FRAS1: variants seen among roughly 807,000 people sequenced by gnomAD.
The protein encoded by FRAS1 is Fraser extracellular matrix complex subunit 1, also known as extracellular matrix organizing protein FRAS1.
Under a neutral mutation model 435.2 loss-of-function variants are expected in FRAS1, and 290 were observed. The observed-to-expected ratio is 0.67, with a 90% CI of 0.61 to 0.73. FRAS1 has a LOEUF of 0.73. Among genes scored for constraint, FRAS1 ranks in the 30% least tolerant of loss-of-function variants. The pLI, the probability that FRAS1 is intolerant of heterozygous loss-of-function variation, is 0.00. For missense variants in FRAS1, 4,860 were observed against 5,001.5 expected (o/e 0.97, Z 0.85); for synonymous variants, 1,800 against 1,851.0 (o/e 0.97, Z 0.71).
intron 14 of FRAS1, among the ~76,000 whole-genome samples, chr4:78,301,846 G>GTTTTTTTTTTT (rs59794614): frequency 7.7e-5 from 8 of 103,936 alleles, no homozygotes; most frequent in African/African-American, 1.5e-4. Context: ...CACAGAAACA[G>GTTTTTTTTTTT]TTTTTTTTTT....
At position 78,482,474 on chromosome 4, in the gene FRAS1, A is replaced by G. The variant is rs567248847; in HGVS notation, c.8691A>G (p.Gln2897=). ...TTGTGGTTTTCCTCAGCTCAGCACA[A>G]GGAGCCGAACTGACCAAACCCTTCC... The part of the protein sequence containing the change: ...ETFVVFLSSA[Q]GAELTKPFQA... The change falls in exon 58 of 74, where the codon CAA becomes CAG. Residue 2897 remains glutamine (Q), a synonymous_variant. Transcript: ENST00000512123. 3 of 1,613,962 alleles carry G rather than the reference A, an allele frequency of 1.9e-6. No homozygotes were observed. In the African/African-American group the frequency reaches 4.0e-5, roughly 22 times the overall value.
chr4:78,476,811 C>A (rs1361770996), intron 54 of FRAS1, among the ~76,000 whole-genome samples: 1 of 151,922 alleles, frequency 6.6e-6, no homozygotes, highest in Non-Finnish European at 1.5e-5. Flanking sequence ...TAATAATTTT[C>A]TGTTTGAGTA....
chr4:78,384,091 A>C lies in FRAS1; in HGVS notation c.3596A>C (p.Gln1199Pro). ...TACCTTTTCCTGAAAATTAGTGACC[A>C]GCAGTTCTTCTCTGAGCCACAGCTG... ...KGYLFLKISD[Q>P]QFFSEPQLIN... Residue 1199 changes from glutamine (Q) to proline (P), a missense_variant, in exon 28 of 74, where the codon CAG becomes CCG. By Grantham distance (76) the Gln-to-Pro change is moderately conservative (BLOSUM62 -1). Coordinates refer to ENST00000512123, the MANE Select transcript of FRAS1 (RefSeq NM_025074.7). 1 of 1,607,478 alleles carries C rather than the reference A, an allele frequency of 6.2e-7. No homozygotes were observed. The highest frequency in any genetic ancestry group is 8.5e-7 in the Non-Finnish European group (1 of 1,178,112).
chr4:78,089,171 T>G (rs536109627), intron 2 of FRAS1, among the ~76,000 whole-genome samples: 62 of 150,892 alleles, frequency 4.1e-4, no homozygotes, highest in African/African-American at 1.5e-3. Flanking sequence ...CAGCAAACTA[T>G]CGCAAGGACA....
chr4:78,271,566 T>C (rs995526412), intron 9 of FRAS1, among the ~76,000 whole-genome samples: 3 of 152,220 alleles, frequency 2.0e-5, no homozygotes, highest in Non-Finnish European at 2.9e-5. Context: ...CATGCAGTGT[T>C]TATTTTTTTG....
intron 27 of FRAS1, among the ~76,000 whole-genome samples, chr4:78,381,176 A>G (rs1325196222): frequency 6.6e-6 from 1 of 152,238 alleles, no homozygotes; most frequent in African/African-American, 2.4e-5. Flanking sequence ...GCATGCTTCC[A>G]TCCTCGAAGG....
chr4:78,099,693 T>G (rs1742017141), intron 2 of FRAS1, among the ~76,000 whole-genome samples: 2 of 152,174 alleles, frequency 1.3e-5, no homozygotes, highest in African/African-American at 4.8e-5. Context: ...AAGTGGGTAT[T>G]CACACCCAGG....
intron 66 of FRAS1, 72 bp downstream of exon 66, chr4:78,516,085 A>T (rs935851383): frequency 8.3e-7 from 1 of 1,210,612 alleles, no homozygotes. Flanking sequence ...TTCCTGAAGC[A>T]CTTCAATTAG....
intron 4 of FRAS1, among the ~76,000 whole-genome samples, chr4:78,247,796 G>A (rs1440106183): frequency 6.6e-6 from 1 of 152,190 alleles, no homozygotes; most frequent in Non-Finnish European, 1.5e-5. Context: ...GGGTAATGGA[G>A]ACTCCCAGTA....
intron 2 of FRAS1, among the ~76,000 whole-genome samples, chr4:78,086,154 A>G (rs1741150828): frequency 6.6e-6 from 1 of 152,226 alleles, no homozygotes. Context: ...TGGAAACTGA[A>G]CAAACTGCTC....
At chr4:78,276,072 C>T (rs1578222376) in intron 9 of FRAS1, among the ~76,000 whole-genome samples, 2 of 152,334 alleles carry the variant, frequency 1.3e-5, no homozygotes, top group East Asian at 3.9e-4. Context: ...ATTTGATCTT[C>T]AATCACTGAT....
intron 20 of FRAS1, among the ~76,000 whole-genome samples, chr4:78,355,441 A>G (rs1232122302): frequency 6.6e-6 from 1 of 152,158 alleles, no homozygotes; most frequent in Non-Finnish European, 1.5e-5. Context: ...ACAAACAAGA[A>G]TTTACTTGCT....
rs979016739 is a variant in FRAS1, at chr4:78,450,225, A to G, written c.6349A>G (p.Ile2117Val). The change falls in exon 45 of 74, where the codon ATC becomes GTC. Residue 2117 changes from isoleucine to valine, a missense_variant. By Grantham distance (29) the Ile-to-Val change is conservative. Coordinates refer to ENST00000512123, the MANE Select transcript of FRAS1 (RefSeq NM_025074.7). The part of the protein sequence containing the change: ...IDSDDHQVMY[I>V]MKEDPGAGRL... ...CTCAGATGACCATCAGGTTATGTACATCATGAAGGAAGATCCTGGTGCAGG... is the reference window on the plus strand; with the variant it reads ...CTCAGATGACCATCAGGTTATGTACGTCATGAAGGAAGATCCTGGTGCAGG... 3.7e-6 allele frequency: 6 copies of G among 1,613,712 alleles called. No homozygotes were observed. The highest frequency in any genetic ancestry group is 4.2e-6 in the Non-Finnish European group (5 of 1,179,776).
intron 2 of FRAS1, among the ~76,000 whole-genome samples, chr4:78,082,331 C>A (rs889717730): frequency 6.6e-6 from 1 of 152,000 alleles, no homozygotes; most frequent in Non-Finnish European, 1.5e-5. Context: ...ACTGATCACC[C>A]TATTATACTT....
chr4:78,213,750 T>A (rs1022357495), intron 2 of FRAS1, among the ~76,000 whole-genome samples: 4 of 152,214 alleles, frequency 2.6e-5, no homozygotes, highest in Non-Finnish European at 4.4e-5. Context: ...AATAATTTTT[T>A]AAATTCATTA....
chr4:78,298,020 CTCTCTCTCTCTATATA>C (rs1349536751), intron 14 of FRAS1, among the ~76,000 whole-genome samples: 3 of 106,276 alleles, frequency 2.8e-5, no homozygotes, highest in African/African-American at 1.1e-4. Context: ...CTCTCTCTCT[CTCTCTCTCTCTATATA>C]TATATATATA....
chr4:78,233,400 G>C (rs1159389103), intron 2 of FRAS1, among the ~76,000 whole-genome samples: 1 of 152,242 alleles, frequency 6.6e-6, no homozygotes, highest in East Asian at 1.9e-4. Context: ...TCCTCTAAAT[G>C]CTAGGGTCCT....
chr4:78,429,334 A>G lies in FRAS1; in HGVS notation c.4843+108A>G, dbSNP rs1169846033. 1.1e-5 allele frequency: 15 copies of G among 1,374,894 alleles called. No individual in the cohort carries two copies. The South Asian group carries it at 2.1e-4, about 19-fold the overall frequency. 85.2% of individuals were successfully genotyped at this position (1,374,894 alleles called of 1,614,324 possible). A position where few individuals can be genotyped will look rare whatever the true frequency, so the allele number is the denominator to read the frequency against. ...CAAAAAAGCAAACTCTTCTTCCAGAAGTTGCCTGCATTCTCACCTGTATCC... is the reference window on the plus strand; with the variant it reads ...CAAAAAAGCAAACTCTTCTTCCAGAGGTTGCCTGCATTCTCACCTGTATCC... On this transcript the variant is annotated intron_variant, in intron 36 of 73. Transcript: ENST00000512123.
chr4:78,268,645 G>A (rs368319453), intron 9 of FRAS1, among the ~76,000 whole-genome samples: 19 of 152,152 alleles, frequency 1.2e-4, no homozygotes, highest in African/African-American at 4.1e-4. Flanking sequence ...GGTAGGGTGG[G>A]CCCTTTAACC....
Sources: allele counts gnomAD v4.1 joint callset (sites outside exome capture counted in the v4.1 genomes callset), GRCh38; gene constraint gnomAD v4.1.1; transcripts MANE v1.5; gene names NCBI Gene and HGNC (gene_info 2026-07-23, HGNC 2026-07-21).